The following TTC7B variants were observed in gnomAD, a reference collection of about 807,000 sequenced individuals.
TTC7B encodes the protein tetratricopeptide repeat protein 7B.
In TTC7B, 28 loss-of-function variants were observed where a neutral mutation model predicts 106.8. The ratio of observed to expected loss-of-function variants is 0.26; its 90% CI spans 0.19 to 0.36. TTC7B has a LOEUF of 0.36. Ranked by LOEUF, TTC7B falls within the 10% of genes least tolerant of loss-of-function variation. TTC7B has a pLI of 1.00. For missense variants in TTC7B, 862 were observed against 1,076.4 expected (o/e 0.80, Z 2.79); for synonymous variants, 405 against 430.6 (o/e 0.94, Z 0.74).
intron 15 of TTC7B, among the ~76,000 whole-genome samples, chr14:90,630,844 T>G (rs936432403): frequency 1.5e-4 from 23 of 151,516 alleles, no homozygotes; most frequent in Non-Finnish European, 2.8e-4. Context: ...TTTTGTTTTT[T>G]TTTTTTTTGA....
chr14:90,580,219 C>T (rs1351744320), intron 18 of TTC7B, among the ~76,000 whole-genome samples: 1 of 152,358 alleles, frequency 6.6e-6, no homozygotes, highest in East Asian at 1.9e-4. Flanking sequence ...TCAGAGCTCA[C>T]TGAATCGCTG....
At chr14:90,651,749 C>T (rs1404179773) in intron 13 of TTC7B, among the ~76,000 whole-genome samples, 2 of 152,298 alleles carry the variant, frequency 1.3e-5, no homozygotes, top group East Asian at 3.9e-4. Context: ...GAAGTAGCTA[C>T]CGGCAAGCCT....
intron 5 of TTC7B, among the ~76,000 whole-genome samples, chr14:90,721,781 T>C (rs979832042): frequency 7.9e-5 from 12 of 152,168 alleles, no homozygotes; most frequent in Admixed American, 7.2e-4. Context: ...AATCAACTGT[T>C]TCCCCAATGA....
At chr14:90,780,598 G>C (rs565131235) in intron 3 of TTC7B, 140 bp downstream of exon 3, 1 of 921,852 alleles carries the variant, frequency 1.1e-6, no homozygotes, top group African/African-American at 1.7e-5. Flanking sequence ...CCCAGCATGT[G>C]CTGCAGGGCG....
intron 18 of TTC7B, among the ~76,000 whole-genome samples, chr14:90,580,779 G>A (rs1891455892): frequency 6.6e-6 from 1 of 152,220 alleles, no homozygotes; most frequent in African/African-American, 2.4e-5. Flanking sequence ...CCCAGCCTCT[G>A]CAGCTCCTGA....
intron 1 of TTC7B, among the ~76,000 whole-genome samples, chr14:90,797,829 T>C (rs542592361): frequency 6.6e-6 from 1 of 152,298 alleles, no homozygotes; most frequent in African/African-American, 2.4e-5. Flanking sequence ...TATAAGGTCC[T>C]TGACAGGATA....
At position 90,577,071 on chromosome 14, in the gene TTC7B, C is replaced by G. The variant is rs1414027483; in HGVS notation, c.2310+1035G>C. ...AGTGCTCACTCTTCCATATCACACA[C>G]CACCATCTGGTTATGGGTGCTAAGC... On this transcript the variant is annotated intron_variant, in intron 19 of 19. Transcript: ENST00000328459. The surrounding 1 kb of genome is among the most constrained non-coding windows in gnomAD (Gnocchi z 5.0). Among the ~76,000 whole-genome samples the G allele has an allele frequency of 6.6e-6, 1 of 152,214 alleles. No homozygotes were observed. Among genetic ancestry groups the G allele is most frequent in the Non-Finnish European group, 1.5e-5 (1 of 68,022 alleles).
At chr14:90,605,840 A>G (rs1284097772) in intron 17 of TTC7B, 1 of 1,030,324 alleles carries the variant, frequency 9.7e-7, no homozygotes, top group East Asian at 6.4e-5. Flanking sequence ...CTCGCTTTTA[A>G]TATACTCACA....
chr14:90,551,432 C>T (rs1000251522), intron 19 of TTC7B, among the ~76,000 whole-genome samples: 2 of 152,086 alleles, frequency 1.3e-5, no homozygotes, highest in African/African-American at 4.8e-5. Context: ...AATGAGGACC[C>T]CACAAGAGCT....
intron 2 of TTC7B, among the ~76,000 whole-genome samples, chr14:90,782,958 G>A (rs1394527321): frequency 1.3e-5 from 2 of 151,950 alleles, no homozygotes; most frequent in African/African-American, 4.8e-5. Flanking sequence ...AAAAAAAAAA[G>A]GTTAACAAAA....
intron 9 of TTC7B, among the ~76,000 whole-genome samples, chr14:90,660,502 G>T (rs1221528676): frequency 1.3e-5 from 2 of 151,808 alleles, no homozygotes; most frequent in African/African-American, 4.8e-5. Context: ...CTCCACCAAA[G>T]GGGAGAGAAG....
chr14:90,798,709 C>CAAAAAAAAAA (rs36223089), intron 1 of TTC7B, among the ~76,000 whole-genome samples: 4 of 52,300 alleles, frequency 7.6e-5, no homozygotes, highest in Non-Finnish European at 1.5e-4. Flanking sequence ...GACTCCATCT[C>CAAAAAAAAAA]AAAAAAAAAA....
At chr14:90,587,101 G>A (rs561530455) in intron 18 of TTC7B, among the ~76,000 whole-genome samples, 34 of 152,190 alleles carry the variant, frequency 2.2e-4, no homozygotes, top group East Asian at 1.9e-3. Context: ...CTCTGCCGGC[G>A]TCCACTTTGA....
chr14:90,695,827 A>C (rs1011186918), intron 5 of TTC7B, among the ~76,000 whole-genome samples: 8 of 152,202 alleles, frequency 5.3e-5, no homozygotes, highest in Non-Finnish European at 1.0e-4. Flanking sequence ...AGTTGAAGCC[A>C]ACAAATTAAA....
intron 7 of TTC7B, among the ~76,000 whole-genome samples, chr14:90,684,017 C>T (rs932330261): frequency 1.3e-5 from 2 of 152,120 alleles, no homozygotes; most frequent in African/African-American, 4.8e-5. Context: ...CCGGCCAAGA[C>T]CCCTCCATTT....
Position 90,757,366 on chromosome 14 carries a change from C to T in TTC7B, c.446-12444G>A, listed in dbSNP as rs964256126. 6.6e-6 allele frequency among the ~76,000 whole-genome samples: 1 copy of T among 152,108 alleles called. No homozygotes were observed. The highest frequency in any genetic ancestry group is 1.5e-5 in the Non-Finnish European group (1 of 68,024). ...GGACAAGGTAGGAGTATCATTTGAG[C>T]CCAGGAGTTTGGGGCTGCAGGGAGC... On this transcript the variant is annotated intron_variant, in intron 3 of 19. Transcript: ENST00000328459. The surrounding 1 kb of genome is among the most constrained non-coding windows in gnomAD (Gnocchi z 4.1).
chr14:90,746,443 T>C (rs968981946), intron 3 of TTC7B, among the ~76,000 whole-genome samples: 1 of 152,186 alleles, frequency 6.6e-6, no homozygotes, highest in Non-Finnish European at 1.5e-5. Flanking sequence ...TTCCTGATAA[T>C]TGGCAATTTC....
At chr14:90,764,931 C>T (rs1399112047) in intron 3 of TTC7B, among the ~76,000 whole-genome samples, 1 of 152,088 alleles carries the variant, frequency 6.6e-6, no homozygotes, top group Admixed American at 6.6e-5. Flanking sequence ...ATAATCCCAC[C>T]CCTAAGTATA....
Position 90,657,096 on chromosome 14 carries a change from G to A in TTC7B, c.1341+78C>T, listed in dbSNP as rs1043068926. 1.7e-5 allele frequency: 21 copies of A among 1,224,388 alleles called. No individual in the cohort carries two copies. The highest frequency in any genetic ancestry group is 2.5e-5 in the Non-Finnish European group (21 of 847,972). 75.8% of individuals were successfully genotyped at this position (1,224,388 alleles called of 1,614,324 possible). On this transcript the variant is annotated intron_variant, in intron 11 of 19. Coordinates refer to ENST00000328459, the MANE Select transcript of TTC7B (RefSeq NM_001010854.2). This position sits in a 1 kb window ranked among gnomAD's most constrained non-coding sequence, Gnocchi z 4.2. The stretch of plus-strand genomic sequence containing the variant: ...GATGAATCACCCTCGCTTTCTCTCT[G>A]TGCCTCGACATGAAAAAAATGGGCA...
Sources: gnomAD v4.1 joint callset for allele counts (sites outside exome capture counted in the v4.1 genomes callset) on GRCh38, gnomAD v4.1.1 for gene constraint, Gnocchi (gnomAD v3.1) non-coding constraint, MANE v1.5 for transcripts, NCBI Gene and HGNC (gene_info 2026-07-23, HGNC 2026-07-21) for gene names.